Variants in BICC1 observed in about 807,000 individuals in gnomAD.
The protein encoded by BICC1 is protein bicaudal C homolog 1.
Under a neutral mutation model 111.0 loss-of-function variants are expected in BICC1, and 43 were observed. The ratio of observed to expected loss-of-function variants is 0.39; its 90% CI spans 0.30 to 0.50. The LOEUF (loss-of-function observed/expected upper bound fraction) is 0.50. Ranked by LOEUF, BICC1 falls within the 20% of genes least tolerant of loss-of-function variation. BICC1 has a pLI of 0.88. For synonymous variants in BICC1, 467 were observed against 434.4 expected, an observed-to-expected ratio of 1.07 and a Z score of -0.93; for missense variants, 1,091 against 1,203.2, an observed-to-expected ratio of 0.91 and a Z score of 1.38.
At chr10:58,682,591 T>G (rs1191716874) in intron 2 of BICC1, among the ~76,000 whole-genome samples, 1 of 152,304 alleles carries the variant, frequency 6.6e-6, no homozygotes, top group East Asian at 1.9e-4. Flanking sequence ...CTCGTTGTGG[T>G]TTTGATTTGC....
At chr10:58,679,833 C>T (rs2132355305) in intron 2 of BICC1, among the ~76,000 whole-genome samples, 1 of 152,302 alleles carries the variant, frequency 6.6e-6, no homozygotes, top group South Asian at 2.1e-4. Flanking sequence ...AAAAGCTTAT[C>T]CACCATGATC....
chr10:58,643,466 T>G (rs1417153863), intron 2 of BICC1, among the ~76,000 whole-genome samples: 1 of 152,228 alleles, frequency 6.6e-6, no homozygotes, highest in Non-Finnish European at 1.5e-5. Context: ...CCTCTAAATG[T>G]GAGCTTGGCT....
chr10:58,687,562 A>G lies in BICC1; in HGVS notation c.238-14512A>G, dbSNP rs1296533332. Among the ~76,000 whole-genome samples, 7 of 152,298 alleles carry G rather than the reference A, an allele frequency of 4.6e-5. No homozygotes were observed. The East Asian group carries it at 1.4e-3, about 30-fold the overall frequency. Reference sequence around the variant, plus strand: ...CACTTTGTTTATGTACTCAAGCCTCAGCAATGGTAGACACCCCTTCCCCAG... The same window carrying G: ...CACTTTGTTTATGTACTCAAGCCTCGGCAATGGTAGACACCCCTTCCCCAG... On this transcript the variant is annotated intron_variant, in intron 2 of 20. Transcript: ENST00000373886.
intron 3 of BICC1, among the ~76,000 whole-genome samples, chr10:58,720,412 G>T (rs1411386139): frequency 6.6e-6 from 1 of 152,120 alleles, no homozygotes; most frequent in African/African-American, 2.4e-5. Context: ...GTTTGCCTGG[G>T]GATTCTGGCC....
At chr10:58,734,176 A>G (rs762775478) in intron 3 of BICC1, among the ~76,000 whole-genome samples, 4 of 152,166 alleles carry the variant, frequency 2.6e-5, no homozygotes, top group Admixed American at 6.5e-5. Flanking sequence ...CACCTAGTGG[A>G]GGGTGAGCAC....
intron 2 of BICC1, among the ~76,000 whole-genome samples, chr10:58,678,077 G>T (rs10733985): frequency 0.96 from 146,734 of 152,298 alleles, 70,944 homozygotes; most frequent in Middle Eastern, 1. Context: ...GGGACCAGCT[G>T]CTGCAAAAAC....
Position 58,628,490 on chromosome 10 carries a change from T to G in BICC1, c.237+7589T>G, listed in dbSNP as rs151017594. On this transcript the variant is annotated intron_variant, in intron 2 of 20. Coordinates refer to ENST00000373886, the MANE Select transcript of BICC1 (RefSeq NM_001080512.3). ...TGTTTTGACATTCAGAGGTGTAAAA[T>G]TTTTTTAAGATTTTTTTACATCTCT... is the stretch of plus-strand genomic sequence containing the variant. 1.2e-4 allele frequency among the ~76,000 whole-genome samples: 18 copies of G among 152,260 alleles called. No individual in the cohort carries two copies. The East Asian group carries it at 3.1e-3, about 26-fold the overall frequency.
chr10:58,619,565 C>T (rs1221485798), intron 1 of BICC1, among the ~76,000 whole-genome samples: 1 of 151,432 alleles, frequency 6.6e-6, no homozygotes, highest in African/African-American at 2.4e-5. Flanking sequence ...ACCTCTGCCT[C>T]CCGGGTTCAA....
At chr10:58,560,373 A>G (rs924201028) in intron 1 of BICC1, among the ~76,000 whole-genome samples, 1 of 151,858 alleles carries the variant, frequency 6.6e-6, no homozygotes, top group African/African-American at 2.4e-5. Context: ...ACAAGCGCTG[A>G]TCTTTTGTAT....
intron 1 of BICC1, among the ~76,000 whole-genome samples, chr10:58,550,390 C>T (rs952526208): frequency 6.6e-6 from 1 of 152,134 alleles, no homozygotes; most frequent in Non-Finnish European, 1.5e-5. Flanking sequence ...TTTGGTTTGT[C>T]ATTTCATTCT....
intron 1 of BICC1, among the ~76,000 whole-genome samples, chr10:58,583,440 C>G (rs1389503061): frequency 1.3e-5 from 2 of 152,030 alleles, no homozygotes; most frequent in African/African-American, 2.4e-5. Flanking sequence ...AGCTTAGCTC[C>G]CACTTATAAG....
At chr10:58,547,073 CT>C (rs1843159184) in intron 1 of BICC1, among the ~76,000 whole-genome samples, 1 of 152,256 alleles carries the variant, frequency 6.6e-6, no homozygotes, top group African/African-American at 2.4e-5. Flanking sequence ...GCGAGTCCCC[CT>C]ATACGCCAAA....
intron 3 of BICC1, among the ~76,000 whole-genome samples, chr10:58,750,103 A>G (rs1016532654): frequency 7.2e-5 from 11 of 152,160 alleles, no homozygotes. Context: ...GAGTCCTAGC[A>G]GAAACAGACC....
At chr10:58,626,105 A>G (rs1470340493) in intron 2 of BICC1, among the ~76,000 whole-genome samples, 3 of 152,202 alleles carry the variant, frequency 2.0e-5, no homozygotes, top group Non-Finnish European at 2.9e-5. Flanking sequence ...ATGGCTCACA[A>G]TTCAAATTTA....
intron 1 of BICC1, among the ~76,000 whole-genome samples, chr10:58,515,958 C>A (rs778008750): frequency 6.6e-6 from 1 of 151,882 alleles, no homozygotes; most frequent in Non-Finnish European, 1.5e-5. Flanking sequence ...AGTTGGGGAA[C>A]AAAATAATTT....
intron 2 of BICC1, among the ~76,000 whole-genome samples, chr10:58,682,620 G>A (rs1004770208): frequency 1.3e-5 from 2 of 152,190 alleles, no homozygotes; most frequent in African/African-American, 4.8e-5. Flanking sequence ...GATGGCCAGT[G>A]ATGATGAGCA....
At chr10:58,607,343 A>AATAAAT (rs1374739915) in intron 1 of BICC1, among the ~76,000 whole-genome samples, 3 of 151,832 alleles carry the variant, frequency 2.0e-5, no homozygotes, top group Non-Finnish European at 2.9e-5. Context: ...TAAATAAATA[A>AATAAAT]AACTGTCATG....
chr10:58,521,462 GA>G (rs1842384511), intron 1 of BICC1, among the ~76,000 whole-genome samples: 1 of 152,032 alleles, frequency 6.6e-6, no homozygotes, highest in Non-Finnish European at 1.5e-5. Flanking sequence ...CCTTATTAGT[GA>G]AATTTTGGGG....
chr10:58,601,435 A>T (rs898866688), intron 1 of BICC1, among the ~76,000 whole-genome samples: 4 of 151,588 alleles, frequency 2.6e-5, no homozygotes, highest in Non-Finnish European at 4.4e-5. Context: ...ATGACCTTAA[A>T]ATGTTTGAAA....
Sources: allele counts gnomAD v4.1 joint callset (sites outside exome capture counted in the v4.1 genomes callset), GRCh38; gene constraint gnomAD v4.1.1; transcripts MANE v1.5; gene names NCBI Gene and HGNC (gene_info 2026-07-23, HGNC 2026-07-21).